JAM3: variants seen among roughly 807,000 people sequenced by gnomAD.
JAM3 encodes the protein junctional adhesion molecule C.
A neutral mutation model predicts 39.4 loss-of-function variants in JAM3; 31 were observed. That is an observed-to-expected ratio of 0.79 (90% CI 0.59 to 1.06). The LOEUF (loss-of-function observed/expected upper bound fraction) is 1.06, where lower values mean the gene tolerates loss of function less well. JAM3 is among the 50% of genes least tolerant of loss of function. JAM3 has a pLI of 0.00. For synonymous variants in JAM3, 182 were observed against 148.7 expected, an observed-to-expected ratio of 1.22 and a Z score of -1.63; for missense variants, 455 against 391.4, an observed-to-expected ratio of 1.16 and a Z score of -1.37.
chr11:134,122,801 A>G (rs1942561822), intron 1 of JAM3, among the ~76,000 whole-genome samples: 1 of 152,232 alleles, frequency 6.6e-6, no homozygotes, highest in South Asian at 2.1e-4. Flanking sequence ...TACAAGTCCT[A>G]AAATAAAAAT....
chr11:134,124,253 A>T lies in JAM3; in HGVS notation c.77-15598A>T. The T allele has an allele frequency of 2.8e-6, 3 of 1,087,890 alleles. No individual in the cohort carries two copies. The South Asian group carries it at 3.7e-5, about 13-fold the overall frequency. The allele number at this position is 1,087,890 out of a possible 1,614,324, so 67.4% of individuals were successfully genotyped here. On this transcript the variant is annotated intron_variant, in intron 1 of 8. Coordinates refer to ENST00000299106, the MANE Select transcript of JAM3 (RefSeq NM_032801.5). ...GTTCCTCTGGGAACTCGTTGAGAGT[A>T]GCACTGGTAGGGTTGTGAGTTACAA...
At chr11:134,142,290 G>A (rs1942989400) in intron 3 of JAM3, among the ~76,000 whole-genome samples, 2 of 152,182 alleles carry the variant, frequency 1.3e-5, no homozygotes, top group African/African-American at 4.8e-5. Flanking sequence ...CCTCAGTGCA[G>A]GGCTGCACCA....
chr11:134,077,638 C>T (rs1316203348), intron 1 of JAM3, among the ~76,000 whole-genome samples: 2 of 147,612 alleles, frequency 1.4e-5, no homozygotes, highest in Non-Finnish European at 3.0e-5. Context: ...TGCAAGCCAC[C>T]GTGGCTGGCG....
chr11:134,094,028 A>G (rs555486420), intron 1 of JAM3, among the ~76,000 whole-genome samples: 14 of 115,966 alleles, frequency 1.2e-4, no homozygotes, highest in Middle Eastern at 6.0e-3. Context: ...TCCACCTTAC[A>G]TGTCACTTCC....
chr11:134,104,594 A>C (rs1942144143), intron 1 of JAM3, among the ~76,000 whole-genome samples: 1 of 152,184 alleles, frequency 6.6e-6, no homozygotes, highest in Admixed American at 6.5e-5. Flanking sequence ...AAGATCAACA[A>C]AATTGATAGA....
At chr11:134,136,870 T>A (rs1331043801) in intron 1 of JAM3, among the ~76,000 whole-genome samples, 3 of 152,126 alleles carry the variant, frequency 2.0e-5, no homozygotes, top group African/African-American at 7.2e-5. Context: ...TCCCAGCACT[T>A]TGGGAGGCCG....
intron 8 of JAM3, 75 bp downstream of exon 8, chr11:134,148,893 G>T: frequency 6.8e-7 from 1 of 1,474,102 alleles, no homozygotes; most frequent in South Asian, 1.2e-5. Flanking sequence ...AAACCACACG[G>T]GTCTCCTGGG....
chr11:134,074,639 C>A (rs912526966), intron 1 of JAM3, among the ~76,000 whole-genome samples: 3 of 152,138 alleles, frequency 2.0e-5, no homozygotes, highest in African/African-American at 4.8e-5. Flanking sequence ...CGGCCTCCCC[C>A]CTTCTTTTTG....
intron 3 of JAM3, among the ~76,000 whole-genome samples, chr11:134,141,255 G>A (rs1253543713): frequency 6.6e-6 from 1 of 152,138 alleles, no homozygotes; most frequent in African/African-American, 2.4e-5. Flanking sequence ...GAGGATGGTG[G>A]TCAGGGAAGG....
intron 1 of JAM3, among the ~76,000 whole-genome samples, chr11:134,070,821 G>C (rs899306464): frequency 4.6e-5 from 7 of 152,206 alleles, no homozygotes; most frequent in Admixed American, 3.9e-4. Context: ...CTTAACCTCT[G>C]ATTTCCTTCC....
Position 134,129,958 on chromosome 11 carries a change from C to T in JAM3, c.77-9893C>T, listed in dbSNP as rs371666563. On this transcript the variant is annotated intron_variant, in intron 1 of 8. Transcript: ENST00000299106. Reference sequence around the variant, plus strand: ...CGGAAGTTGCAGTGAGCCGAGATCGCGCCACTGCACTCCAGCCTTGGTTAC... The same window carrying T: ...CGGAAGTTGCAGTGAGCCGAGATCGTGCCACTGCACTCCAGCCTTGGTTAC... 1.2e-4 allele frequency among the ~76,000 whole-genome samples: 18 copies of T among 152,050 alleles called. No homozygotes were observed. In the East Asian group the frequency reaches 1.9e-3, roughly 16 times the overall value.
chr11:134,101,261 A>G (rs997214538), intron 1 of JAM3, among the ~76,000 whole-genome samples: 1 of 152,256 alleles, frequency 6.6e-6, no homozygotes, highest in African/African-American at 2.4e-5. Flanking sequence ...ACTGTCATTG[A>G]AGTTTGAATT....
chr11:134,148,578 G>A lies in JAM3; in HGVS notation c.744G>A (p.Gly248=), dbSNP rs760983670. 6.8e-6 allele frequency: 11 copies of A among 1,614,026 alleles called. No homozygotes were observed. Among genetic ancestry groups the A allele is most frequent in the African/African-American group, 6.7e-5 (5 of 74,892 alleles). The change falls in exon 7 of 9, where the codon GGG becomes GGA. Residue 248 remains glycine (G), a synonymous_variant. Transcript: ENST00000299106. The part of the protein sequence containing the change: ...YDLNIGGIIG[G]VLVVLAVLAL... ...TGAACATTGGCGGAATTATTGGGGGGGTTCTGGTTGTCCTTGCTGTACTGG... is the reference window on the plus strand; with the variant it reads ...TGAACATTGGCGGAATTATTGGGGGAGTTCTGGTTGTCCTTGCTGTACTGG...
At chr11:134,135,515 G>A (rs1251739733) in intron 1 of JAM3, among the ~76,000 whole-genome samples, 1 of 151,646 alleles carries the variant, frequency 6.6e-6, no homozygotes, top group Admixed American at 6.6e-5. Context: ...CTCCATGAGA[G>A]CACAGATTTT....
rs944002223 is a variant in JAM3 at position 134,145,406 on chromosome 11, G to A, written c.612+412G>A. 3 of 332,006 alleles carry A rather than the reference G, an allele frequency of 9.0e-6. No individual in the cohort carries two copies. In the East Asian group the frequency reaches 2.4e-4, roughly 27 times the overall value. 20.6% of individuals were successfully genotyped at this position (332,006 alleles called of 1,614,324 possible). A position where few individuals can be genotyped will look rare whatever the true frequency, so the allele number is the denominator to read the frequency against. On this transcript the variant is annotated intron_variant, in intron 5 of 8. Transcript: ENST00000299106. Reference sequence around the variant, plus strand: ...TTTACAGTCTTGTAGAGATACTGAAGTATTTATGGATAAAAGGTGTTTGGA... The same window carrying A: ...TTTACAGTCTTGTAGAGATACTGAAATATTTATGGATAAAAGGTGTTTGGA...
intron 1 of JAM3, among the ~76,000 whole-genome samples, chr11:134,132,702 C>A (rs933059836): frequency 2.6e-5 from 4 of 152,104 alleles, no homozygotes; most frequent in African/African-American, 9.7e-5. Context: ...ATTTCCCCTC[C>A]CTATGCCAGG....
At chr11:134,104,024 G>A (rs1249325071) in intron 1 of JAM3, among the ~76,000 whole-genome samples, 3 of 152,160 alleles carry the variant, frequency 2.0e-5, no homozygotes, top group Non-Finnish European at 4.4e-5. Context: ...GACATCTACA[G>A]AACTCTCCAC....
At chr11:134,120,853 C>G (rs1012898395) in intron 1 of JAM3, among the ~76,000 whole-genome samples, 1 of 152,226 alleles carries the variant, frequency 6.6e-6, no homozygotes, top group African/African-American at 2.4e-5. Context: ...ACCTCAATAT[C>G]TGTTATGGCT....
chr11:134,090,718 G>T (rs572658042), intron 1 of JAM3, among the ~76,000 whole-genome samples: 3 of 152,066 alleles, frequency 2.0e-5, no homozygotes, highest in South Asian at 2.1e-4. Context: ...TAACAAAGTT[G>T]TCTATCTTTT....
Sources: allele counts gnomAD v4.1 joint callset (sites outside exome capture counted in the v4.1 genomes callset), GRCh38; gene constraint gnomAD v4.1.1; transcripts MANE v1.5; gene names NCBI Gene and HGNC (gene_info 2026-07-23, HGNC 2026-07-21).